Variants in SDHB observed in about 807,000 individuals in gnomAD.
SDHB encodes the protein succinate dehydrogenase [ubiquinone] iron-sulfur subunit, mitochondrial.
In SDHB, 21 loss-of-function variants were observed where a neutral mutation model predicts 39.7. The ratio of observed to expected loss-of-function variants is 0.53; its 90% confidence interval spans 0.37 to 0.76. The LOEUF (loss-of-function observed/expected upper bound fraction) is 0.76, where lower values mean the gene tolerates loss of function less well. Among genes scored for constraint, SDHB ranks in the 30% least tolerant of loss-of-function variants. SDHB has a pLI of 0.00. For missense variants in SDHB, 343 were observed against 350.9 expected, an observed-to-expected ratio of 0.98 and a Z score of 0.18; for synonymous variants, 118 against 117.0, an observed-to-expected ratio of 1.01 and a Z score of -0.06.
rs556324492 is a variant in SDHB at position 17,040,506 on chromosome 1, G to A, written c.200+4255C>T. Among the ~76,000 whole-genome samples, 55 of 152,266 alleles carry A rather than the reference G, an allele frequency of 3.6e-4. 1 individual carries two copies. Among genetic ancestry groups the A allele is most frequent in the African/African-American group, 1.3e-3 (55 of 41,530 alleles). ...GTCTTACTCTGCTGCCCAGGTTGGAGTACAGTGGCACAATTATAGCTCATA... is the reference window on the plus strand; with the variant it reads ...GTCTTACTCTGCTGCCCAGGTTGGAATACAGTGGCACAATTATAGCTCATA... On this transcript the variant is annotated intron_variant, in intron 2 of 7. Transcript: ENST00000375499.
At chr1:17,039,143 T>A (rs562471407) in intron 2 of SDHB, among the ~76,000 whole-genome samples, 1 of 152,158 alleles carries the variant, frequency 6.6e-6, no homozygotes, top group East Asian at 1.9e-4. Context: ...TTTAGGTCTA[T>A]CATTTTACTA....
chr1:17,039,277 T>C (rs1357771567), intron 2 of SDHB, among the ~76,000 whole-genome samples: 2 of 151,894 alleles, frequency 1.3e-5, no homozygotes, highest in African/African-American at 4.8e-5. Context: ...CTATATCTCT[T>C]TGCATTTAAA....
chr1:17,027,862 A>T lies in SDHB; in HGVS notation c.427T>A (p.Leu143Met), dbSNP rs1570948034. 1 of 1,563,580 alleles carries T rather than the reference A, an allele frequency of 6.4e-7. No individual in the cohort carries two copies. The highest frequency in any genetic ancestry group is 8.8e-7 in the Non-Finnish European group (1 of 1,134,166). The part of the protein sequence containing the change: ...MYVIKDLVPD[L>M]SNFYAQYKSI... The stretch of plus-strand genomic sequence containing the variant: ...TTGTACTGTGCATAGAAGTTGCTCA[A>T]ATCCTGTGGTTAAGAGGAAGAAGAA... Residue 143 changes from leucine (L) to methionine (M), a missense_variant, in exon 5 of 8, where the codon TTG (leucine) becomes ATG (methionine). Leu to Met is a conservative substitution (Grantham distance 15). Transcript: ENST00000375499.
At chr1:17,023,475 C>G (rs1452504325) in intron 6 of SDHB, among the ~76,000 whole-genome samples, 1 of 152,206 alleles carries the variant, frequency 6.6e-6, no homozygotes. Flanking sequence ...TAAAAAAGCA[C>G]AAGCTTTCTG....
intron 5 of SDHB, among the ~76,000 whole-genome samples, chr1:17,024,796 ACTTT>A (rs537599647): frequency 2.6e-5 from 4 of 152,308 alleles, no homozygotes; most frequent in Admixed American, 2.6e-4. Context: ...CACAAACCGG[ACTTT>A]CTGAGTTTGG....
In SDHB at chr1:17,024,047, C is replaced by T. The variant is rs199789177; in HGVS notation, c.568G>A (p.Ala190Thr). Residue 190 changes from alanine to threonine, a missense_variant, in exon 6 of 8, where the codon GCC (alanine) becomes ACC (threonine). By Grantham distance (58) the Ala-to-Thr change is moderately conservative (BLOSUM62 0). Coordinates refer to ENST00000375499, the MANE Select transcript of SDHB (RefSeq NM_003000.3). ...LDGLYECILC[A>T]CCSTSCPSYW... ...CTGGGGCAGCTGGTGCTACAGCAGG[C>T]ACAGAGAATGCACTCGTAGAGCCCG... 2 of 1,613,682 alleles carry T rather than the reference C, an allele frequency of 1.2e-6. No homozygotes were observed. Among genetic ancestry groups the T allele is most frequent in the Non-Finnish European group, 1.7e-6 (2 of 1,179,964 alleles).
intron 2 of SDHB, among the ~76,000 whole-genome samples, chr1:17,042,635 G>A (rs2078087199): frequency 6.6e-6 from 1 of 152,108 alleles, no homozygotes; most frequent in South Asian, 2.1e-4. Context: ...AAACTTAGCT[G>A]GGTGTGGTGG....
In SDHB at chr1:17,022,352, G is replaced by C. The variant is rs761420; in HGVS notation, c.765+256C>G. ...CGCAGGTACCTGCTCATGGGTTCCT[G>C]TGCATCCTTAACTCCCACAATGTCC... is the stretch of plus-strand genomic sequence containing the variant. On this transcript the variant is annotated intron_variant, in intron 7 of 7. Coordinates refer to ENST00000375499, the MANE Select transcript of SDHB (RefSeq NM_003000.3). Among the ~76,000 whole-genome samples, 15,683 of 152,168 alleles carry C rather than the reference G, an allele frequency of 0.1. 933 individuals are homozygous for C. The highest frequency in any genetic ancestry group is 0.16 in the African/African-American group (6,801 of 41,474).
At position 17,018,790 on chromosome 1, in the gene SDHB, T is replaced by A; in HGVS notation, c.*91A>T. 1 of 909,740 alleles carries A rather than the reference T, an allele frequency of 1.1e-6. No homozygotes were observed. The highest frequency in any genetic ancestry group is 1.8e-6 in the Non-Finnish European group (1 of 549,436). The allele number at this position is 909,740 out of a possible 1,614,324, so 56.4% of individuals were successfully genotyped here. On this transcript the variant is annotated 3_prime_UTR_variant, in exon 8 of 8. Coordinates refer to ENST00000375499, the MANE Select transcript of SDHB (RefSeq NM_003000.3). The stretch of plus-strand genomic sequence containing the variant: ...ATTTTTATTATACATGCTGTATTCA[T>A]GGAAAACCAAGATCTTTAAAGGAAC...
Position 17,042,954 on chromosome 1 carries a change from G to GTTTTTTTTTTTTTTTTTTTTTTT in SDHB, c.200+1784_200+1806dup, listed in dbSNP as rs143394198. The stretch of plus-strand genomic sequence containing the variant: ...AGCAGTAGGGTTTTTTGTTTTATGA[G>GTTTTTTTTTTTTTTTTTTTTTTT]TTTTTTTTTTTTTTTTTTTTTTTTT... On this transcript the variant is annotated intron_variant, in intron 2 of 7. Transcript: ENST00000375499. Among the ~76,000 whole-genome samples, 13 of 62,892 alleles carry GTTTTTTTTTTTTTTTTTTTTTTT rather than the reference G, an allele frequency of 2.1e-4. 1 individual carries two copies. The highest frequency in any genetic ancestry group is 2.9e-4 in the Non-Finnish European group (11 of 37,704). 41.3% of individuals were successfully genotyped at this position (62,892 alleles called of 152,430 possible). A position where few individuals can be genotyped will look rare whatever the true frequency, so the allele number is the denominator to read the frequency against.
chr1:17,041,674 T>G lies in SDHB; in HGVS notation c.200+3087A>C, dbSNP rs147514684. Among the ~76,000 whole-genome samples, 280 of 151,704 alleles carry G rather than the reference T, an allele frequency of 1.8e-3. 4 individuals are homozygous for G. The highest frequency in any genetic ancestry group is 6.0e-3 in the African/African-American group (249 of 41,396). On this transcript the variant is annotated intron_variant, in intron 2 of 7. Transcript: ENST00000375499. ...GAAACTCAGACTCAAAATAAAAAAA[T>G]AAAAAAGAAAAAAAAGAAAAATTAA...
intron 7 of SDHB, among the ~76,000 whole-genome samples, chr1:17,021,182 T>C (rs754160640): frequency 5.3e-5 from 8 of 152,272 alleles, no homozygotes; most frequent in African/African-American, 9.6e-5. Flanking sequence ...TAATCCCCAA[T>C]GCAACAGTAT....
rs1570947881 is a variant in SDHB at position 17,027,788 on chromosome 1, C to T, written c.501G>A (p.Lys167=). 6.2e-7 allele frequency: 1 copy of T among 1,612,664 alleles called. No homozygotes were observed. Among genetic ancestry groups the T allele is most frequent in the Non-Finnish European group, 8.5e-7 (1 of 1,178,698 alleles). Residue 167 remains lysine (K), a synonymous_variant, in exon 5 of 8, where the codon AAG becomes AAA. Transcript: ENST00000375499. ...CTTCTATGGACTGCAGATACTGCTGCTTGCCTTCCTGAGATTCATCCTTCT... is the reference window on the plus strand; with the variant it reads ...CTTCTATGGACTGCAGATACTGCTGTTTGCCTTCCTGAGATTCATCCTTCT... ...LKKKDESQEG[K]QQYLQSIEER... is the part of the protein sequence containing the mutation.
At chr1:17,045,001 C>G in intron 1 of SDHB, 113 bp from the exon 2 acceptor site, 1 of 889,790 alleles carries the variant, frequency 1.1e-6, no homozygotes, top group Non-Finnish European at 1.8e-6. Context: ...ATTACTGACA[C>G]ATAATCTTCT....
chr1:17,042,664 G>A (rs1471687965), intron 2 of SDHB, among the ~76,000 whole-genome samples: 1 of 152,012 alleles, frequency 6.6e-6, no homozygotes, highest in African/African-American at 2.4e-5. Context: ...TATAGTCCCA[G>A]TTACTCAGGA....
chr1:17,019,428 CATG>C (rs1175364439), intron 7 of SDHB, among the ~76,000 whole-genome samples: 3 of 152,156 alleles, frequency 2.0e-5, no homozygotes, highest in Non-Finnish European at 2.9e-5. Flanking sequence ...TTTGTAAAAC[CATG>C]ATGATTTCAA....
At chr1:17,023,602 G>A (rs2077975031) in intron 6 of SDHB, among the ~76,000 whole-genome samples, 1 of 152,218 alleles carries the variant, frequency 6.6e-6, no homozygotes, top group Admixed American at 6.5e-5. Flanking sequence ...TAGCTGGGCA[G>A]CTGCCCTTCA....
intron 3 of SDHB, among the ~76,000 whole-genome samples, chr1:17,031,842 A>G (rs144819506): frequency 5.3e-5 from 8 of 152,296 alleles, no homozygotes; most frequent in Non-Finnish European, 1.2e-4. Flanking sequence ...CTGAGAGAGC[A>G]GATCTGGAGT....
In SDHB at chr1:17,030,372, C is replaced by T. The variant is rs568869175; in HGVS notation, c.287-1636G>A. On this transcript the variant is annotated intron_variant, in intron 3 of 7. Coordinates refer to ENST00000375499, the MANE Select transcript of SDHB (RefSeq NM_003000.3). ...TCTTCTATTGTCTTCATAAAATACG[C>T]AGCATAGTACCCTGGGGCTATGAAA... is the stretch of plus-strand genomic sequence containing the variant. Among the ~76,000 whole-genome samples the T allele has an allele frequency of 2.2e-4, 34 of 152,208 alleles. 1 individual carries two copies. Among genetic ancestry groups the T allele is most frequent in the African/African-American group, 8.2e-4 (34 of 41,518 alleles).
Sources: allele counts gnomAD v4.1 joint callset (sites outside exome capture counted in the v4.1 genomes callset), GRCh38; gene constraint gnomAD v4.1.1; transcripts MANE v1.5; gene names NCBI Gene and HGNC (gene_info 2026-07-23, HGNC 2026-07-21).